ITPKB: variants seen among roughly 807,000 people sequenced by gnomAD.
The protein encoded by ITPKB is inositol-trisphosphate 3-kinase B.
A neutral mutation model predicts 69.4 loss-of-function variants in ITPKB; 13 were observed. That is an observed-to-expected ratio of 0.19 (90% CI 0.12 to 0.30). The LOEUF (loss-of-function observed/expected upper bound fraction) is 0.30. ITPKB is among the 10% of genes least tolerant of loss of function. The pLI, the probability that ITPKB is intolerant of heterozygous loss-of-function variation, is 1.00. For missense variants in ITPKB, 1,240 were observed against 1,250.5 expected (o/e 0.99, Z 0.13); for synonymous variants, 584 against 513.7 (o/e 1.14, Z -1.85).
intron 2 of ITPKB, chr1:226,707,797 C>A: frequency 9.2e-7 from 1 of 1,092,260 alleles, no homozygotes; most frequent in East Asian, 8.1e-5. Flanking sequence ...CAGATGACCC[C>A]GTAATTGGCT....
intron 2 of ITPKB, among the ~76,000 whole-genome samples, chr1:226,712,474 C>A (rs1656986363): frequency 6.6e-6 from 1 of 152,226 alleles, no homozygotes; most frequent in African/African-American, 2.4e-5. Context: ...CTTCTTTACT[C>A]AAATTCCCAG....
chr1:226,705,301 G>A (rs533345105), intron 2 of ITPKB, among the ~76,000 whole-genome samples: 116 of 152,154 alleles, frequency 7.6e-4, no homozygotes, highest in Middle Eastern at 3.4e-3. Flanking sequence ...AGGCCAAGGC[G>A]GGCAGGTCAC....
At position 226,641,471 on chromosome 1, in the gene ITPKB, G is replaced by A. The variant is rs1198515734; in HGVS notation, c.2451+450C>T. On this transcript the variant is annotated intron_variant, in intron 5 of 7. Coordinates refer to ENST00000429204, the MANE Select transcript of ITPKB (RefSeq NM_002221.4). The surrounding 1 kb of genome is among the most constrained non-coding windows in gnomAD (Gnocchi z 4.6). Reference sequence around the variant, plus strand: ...ATTTTAAAATTTCCAAAAAAAGATCGAAGAGCAAAGCAGAGAGAATGCAGT... The same window carrying A: ...ATTTTAAAATTTCCAAAAAAAGATCAAAGAGCAAAGCAGAGAGAATGCAGT... 6.6e-6 allele frequency among the ~76,000 whole-genome samples: 1 copy of A among 152,290 alleles called. No individual in the cohort carries two copies. The highest frequency in any genetic ancestry group is 6.5e-5 in the Admixed American group (1 of 15,304).
intron 2 of ITPKB, among the ~76,000 whole-genome samples, chr1:226,666,050 G>A (rs1488499336): frequency 1.3e-5 from 2 of 152,300 alleles, no homozygotes; most frequent in Middle Eastern, 3.4e-3. Flanking sequence ...CCACCAGCCT[G>A]CCTAAAAATG....
At chr1:226,734,687 T>C (rs1009974888) in intron 2 of ITPKB, among the ~76,000 whole-genome samples, 1 of 152,200 alleles carries the variant, frequency 6.6e-6, no homozygotes, top group African/African-American at 2.4e-5. Context: ...CGATTAACCA[T>C]GTAATAGAAA....
rs1311254746 is a variant in ITPKB, at chr1:226,670,613, G to A, written c.1933-21842C>T. On this transcript the variant is annotated intron_variant, in intron 2 of 7. Transcript: ENST00000429204. ...GATTAAGGGGCAGGGAGCAGAATTA[G>A]CTACGGAAAATATACAGACTTAGGC... Among the ~76,000 whole-genome samples, 3 of 152,190 alleles carry A rather than the reference G, an allele frequency of 2.0e-5. No individual in the cohort carries two copies. The South Asian group carries it at 6.2e-4, about 32-fold the overall frequency.
chr1:226,698,176 C>T (rs1656541003), intron 2 of ITPKB, among the ~76,000 whole-genome samples: 3 of 152,160 alleles, frequency 2.0e-5, no homozygotes, highest in Admixed American at 2.0e-4. Flanking sequence ...TTTGATTTAT[C>T]TTTTGTTTCC....
intron 2 of ITPKB, among the ~76,000 whole-genome samples, chr1:226,724,370 C>T (rs1211518713): frequency 6.6e-6 from 1 of 152,184 alleles, no homozygotes; most frequent in Non-Finnish European, 1.5e-5. Context: ...AAGTCAGCAA[C>T]ACTGCCTCAG....
intron 2 of ITPKB, among the ~76,000 whole-genome samples, chr1:226,690,292 G>T (rs774955739): frequency 1.3e-5 from 2 of 152,112 alleles, no homozygotes; most frequent in Non-Finnish European, 2.9e-5. Context: ...CATCAGCCAG[G>T]CACCGGGCAA....
rs1668788775 is a variant in ITPKB, at chr1:226,634,582, G to A, written c.*89C>T. ...AGTGCAGTTCAGGAGGGTCAGTCAG[G>A]TGTAAGTGAAGGAAAAGTTAGGAAC... On this transcript the variant is annotated 3_prime_UTR_variant, in exon 8 of 8. Transcript: ENST00000429204. This position sits in a 1 kb window ranked among gnomAD's most constrained non-coding sequence, Gnocchi z 6.3. The A allele has an allele frequency of 3.0e-6, 2 of 673,638 alleles. No individual in the cohort carries two copies. The highest frequency in any genetic ancestry group is 4.2e-5 in the Admixed American group (2 of 48,000). The allele number at this position is 673,638 out of a possible 1,614,324, so 41.7% of individuals were successfully genotyped here. A position where few individuals can be genotyped will look rare whatever the true frequency, so the allele number is the denominator to read the frequency against.
At chr1:226,727,425 C>T (rs1197815868) in intron 2 of ITPKB, among the ~76,000 whole-genome samples, 2 of 152,238 alleles carry the variant, frequency 1.3e-5, no homozygotes, top group African/African-American at 4.8e-5. Context: ...GTCCCACCAA[C>T]TCAGCAGCAT....
At chr1:226,647,575 C>A (rs1322587842) in intron 3 of ITPKB, among the ~76,000 whole-genome samples, 195 bp from the exon 4 acceptor site, 1 of 152,206 alleles carries the variant, frequency 6.6e-6, no homozygotes, top group Non-Finnish European at 1.5e-5. Context: ...AACTGTAATT[C>A]TGAGCTGGTT....
rs1170666266 is a variant in ITPKB, at chr1:226,647,189, TCA to T, written c.2222_2223del (p.Val741AspfsTer104). On this transcript the variant is annotated frameshift_variant, in exon 4 of 8. Coordinates refer to ENST00000429204, the MANE Select transcript of ITPKB (RefSeq NM_002221.4). LOFTEE classifies it high-confidence loss of function. ...DLLADFDSPCVMDCKMGIRTY... is the reference protein window; with the variant it reads ...DLLADFDSPCXMDCKMGIRTY... Reference sequence around the variant, plus strand: ...CACCTGATTCCCATCTTGCAGTCCATCACACAGGGCGAGTCGAAGTCGGCCAG... The same window carrying T: ...CACCTGATTCCCATCTTGCAGTCCATCACAGGGCGAGTCGAAGTCGGCCAG... 6.2e-7 allele frequency: 1 copy of T among 1,614,198 alleles called. No individual in the cohort carries two copies. Among genetic ancestry groups the T allele is most frequent in the Admixed American group, 1.7e-5 (1 of 60,022 alleles).
chr1:226,667,002 G>T (rs1397139946), intron 2 of ITPKB, among the ~76,000 whole-genome samples: 1 of 152,012 alleles, frequency 6.6e-6, no homozygotes. Context: ...TTTTGTGCTG[G>T]CCCCTCTGGC....
At chr1:226,712,092 C>T (rs1571869895) in intron 2 of ITPKB, among the ~76,000 whole-genome samples, 1 of 152,296 alleles carries the variant, frequency 6.6e-6, no homozygotes, top group Admixed American at 6.5e-5. Flanking sequence ...GGAAACTTAG[C>T]AAGAGTGAGA....
At chr1:226,718,964 C>T (rs1271213451) in intron 2 of ITPKB, among the ~76,000 whole-genome samples, 1 of 152,208 alleles carries the variant, frequency 6.6e-6, no homozygotes, top group African/African-American at 2.4e-5. Context: ...GGAAATGACA[C>T]AGATGTCCCC....
chr1:226,729,685 T>A (rs1027394748), intron 2 of ITPKB, among the ~76,000 whole-genome samples: 1 of 151,904 alleles, frequency 6.6e-6, no homozygotes, highest in Non-Finnish European at 1.5e-5. Context: ...TTCAAGTGGT[T>A]CTCCTGTCTC....
Position 226,638,793 on chromosome 1 carries a change from G to T in ITPKB, c.2553+764C>A, listed in dbSNP as rs552313447. ...GGACAAGCAGGTCTACCCACAGCAG[G>T]TCTGCTGTGAAGATTTGCTGCACGC... On this transcript the variant is annotated intron_variant, in intron 6 of 7. Coordinates refer to ENST00000429204, the MANE Select transcript of ITPKB (RefSeq NM_002221.4). Among the ~76,000 whole-genome samples, 25 of 152,034 alleles carry T rather than the reference G, an allele frequency of 1.6e-4. No individual in the cohort carries two copies. In the South Asian group the frequency reaches 5.0e-3, roughly 30 times the overall value.
At chr1:226,722,162 C>T (rs1384575942) in intron 2 of ITPKB, among the ~76,000 whole-genome samples, 1 of 152,200 alleles carries the variant, frequency 6.6e-6, no homozygotes, top group Non-Finnish European at 1.5e-5. Context: ...AGTCAGTGTT[C>T]CCAAACTACA....
Sources: allele counts gnomAD v4.1 joint callset (sites outside exome capture counted in the v4.1 genomes callset), GRCh38; gene constraint gnomAD v4.1.1; non-coding constraint Gnocchi (gnomAD v3.1); transcripts MANE v1.5; gene names NCBI Gene and HGNC (gene_info 2026-07-23, HGNC 2026-07-21).